The following SIM2 variants were observed in gnomAD, a reference collection of about 807,000 sequenced individuals.
The protein encoded by SIM2 is SIM bHLH transcription factor 2.
Under a neutral mutation model 64.8 loss-of-function variants are expected in SIM2, and 28 were observed. The ratio of observed to expected loss-of-function variants is 0.43; its 90% CI spans 0.32 to 0.59. SIM2 has a LOEUF of 0.59. SIM2 is among the 20% of genes least tolerant of loss of function. SIM2 has a pLI of 0.07. For missense variants in SIM2, 847 were observed against 871.4 expected (o/e 0.97, Z 0.35); for synonymous variants, 408 against 391.1 (o/e 1.04, Z -0.51).
At chr21:36,739,799 G>T (rs2089130144) in intron 7 of SIM2, among the ~76,000 whole-genome samples, 1 of 152,120 alleles carries the variant, frequency 6.6e-6, no homozygotes, top group African/African-American at 2.4e-5. Flanking sequence ...GCAAACTATG[G>T]GAGGGCAAGG....
chr21:36,704,676 C>T (rs1388822038), intron 1 of SIM2, among the ~76,000 whole-genome samples: 1 of 152,160 alleles, frequency 6.6e-6, no homozygotes, highest in Non-Finnish European at 1.5e-5. Flanking sequence ...GCTGGGGCGG[C>T]GTCCGAACTC....
Position 36,699,633 on chromosome 21 carries a change from C to G in SIM2, c.-114C>G. ...CCCCGCACCTGCCCGCGGCCCACTCCGCGGACTCACCTGGCTCCCGGCTCC... is the reference window on the plus strand; with the variant it reads ...CCCCGCACCTGCCCGCGGCCCACTCGGCGGACTCACCTGGCTCCCGGCTCC... On this transcript the variant is annotated 5_prime_UTR_variant, in exon 1 of 11. Coordinates refer to ENST00000290399, the MANE Select transcript of SIM2 (RefSeq NM_005069.6). This position sits in a 1 kb window ranked among gnomAD's most constrained non-coding sequence, Gnocchi z 5.6. 2.4e-6 allele frequency: 3 copies of G among 1,245,638 alleles called. No homozygotes were observed. The highest frequency in any genetic ancestry group is 3.2e-6 in the Non-Finnish European group (3 of 926,818). The allele number at this position is 1,245,638 out of a possible 1,614,324, so 77.2% of individuals were successfully genotyped here. A position where few individuals can be genotyped will look rare whatever the true frequency, so the allele number is the denominator to read the frequency against.
At chr21:36,722,791 A>C (rs1187571538) in intron 4 of SIM2, among the ~76,000 whole-genome samples, 1 of 152,182 alleles carries the variant, frequency 6.6e-6, no homozygotes, top group Non-Finnish European at 1.5e-5. Flanking sequence ...TGCAGGGCCC[A>C]TCAGGGGCCT....
chr21:36,747,772 C>T lies in SIM2; in HGVS notation c.1684C>T (p.Arg562Cys), dbSNP rs1426145386. 2.0e-5 allele frequency: 23 copies of T among 1,128,074 alleles called. No individual in the cohort carries two copies. The highest frequency in any genetic ancestry group is 2.5e-5 in the Non-Finnish European group (23 of 924,102). 69.9% of individuals were successfully genotyped at this position (1,128,074 alleles called of 1,614,324 possible). ...EPALGPAKAA[R>C]QAARDGARLA... ...CGCGCTGGGCCCGGCCAAAGCCGCC[C>T]GCCAGGCCGCCCGGGACGGGGCGCG... is the stretch of plus-strand genomic sequence containing the variant. The change falls in exon 11 of 11, where the codon CGC (arginine) becomes TGC (cysteine). Residue 562 changes from arginine (R) to cysteine (C), a missense_variant. Around this residue, in one of 3 missense-constraint regions of SIM2, gnomAD observed 447 missense variants for 414.6 expected, o/e 1.08. Transcript: ENST00000290399. The surrounding 1 kb of genome is among the most constrained non-coding windows in gnomAD (Gnocchi z 4.5).
At chr21:36,744,202 A>C (rs1293617173) in intron 9 of SIM2, among the ~76,000 whole-genome samples, 1 of 152,076 alleles carries the variant, frequency 6.6e-6, no homozygotes, top group African/African-American at 2.4e-5. Flanking sequence ...ACTGCACTCC[A>C]GCCTGGGTGA....
intron 4 of SIM2, 54 bp downstream of exon 4, chr21:36,719,983 T>A: frequency 8.0e-7 from 1 of 1,245,266 alleles, no homozygotes; most frequent in Non-Finnish European, 1.2e-6. Flanking sequence ...GCGACATTCT[T>A]AAATGGAACT....
chr21:36,709,055 G>A (rs2088632479), intron 1 of SIM2, 113 bp from the exon 2 acceptor site: 2 of 865,080 alleles, frequency 2.3e-6, no homozygotes, highest in South Asian at 1.8e-5. Flanking sequence ...GGGGAGACGC[G>A]CGGGACTCGT....
At chr21:36,707,598 T>G (rs963627625) in intron 1 of SIM2, among the ~76,000 whole-genome samples, 5 of 144,518 alleles carry the variant, frequency 3.5e-5, no homozygotes, top group African/African-American at 5.1e-5. Flanking sequence ...TTTTTTTAAC[T>G]TTTTTTTTTT....
rs765288514 is a variant in SIM2, at chr21:36,749,756, G to T, written c.*1664G>T. Reference sequence around the variant, plus strand: ...AAAGGTGTAGGTTTGATTACTAGGAGATACCACCGACATTTTTCAATAAAG... The same window carrying T: ...AAAGGTGTAGGTTTGATTACTAGGATATACCACCGACATTTTTCAATAAAG... On this transcript the variant is annotated 3_prime_UTR_variant, in exon 11 of 11. Coordinates refer to ENST00000290399, the MANE Select transcript of SIM2 (RefSeq NM_005069.6). 6.6e-6 allele frequency: 1 copy of T among 152,122 alleles called. No homozygotes were observed. The highest frequency in any genetic ancestry group is 2.4e-5 in the African/African-American group (1 of 41,436). The allele number at this position is 152,122 out of a possible 1,614,324, so 9.4% of individuals were successfully genotyped here. A position where few individuals can be genotyped will look rare whatever the true frequency, so the allele number is the denominator to read the frequency against.
intron 6 of SIM2, among the ~76,000 whole-genome samples, chr21:36,728,412 G>A (rs1213837292): frequency 6.6e-6 from 1 of 152,258 alleles, no homozygotes; most frequent in African/African-American, 2.4e-5. Context: ...AGAGGAGGTT[G>A]TGCCTAAAGG....
At chr21:36,746,163 A>G (rs2089225013) in intron 10 of SIM2, 2 of 255,140 alleles carry the variant, frequency 7.8e-6, no homozygotes, top group Admixed American at 8.8e-5. Flanking sequence ...AAAAATACAA[A>G]AATTAGTTGG....
intron 5 of SIM2, 93 bp downstream of exon 5, chr21:36,723,223 A>C: frequency 1.0e-6 from 1 of 993,862 alleles, no homozygotes; most frequent in South Asian, 1.3e-5. Context: ...ACGGGAGCAC[A>C]AACTCGTCAT....
chr21:36,722,435 AC>A (rs1317323073), intron 4 of SIM2, among the ~76,000 whole-genome samples: 1 of 152,120 alleles, frequency 6.6e-6, no homozygotes, highest in Non-Finnish European at 1.5e-5. Flanking sequence ...GAGTGGAGTG[AC>A]CTCGCCCTCC....
At chr21:36,735,813 T>C (rs908699349) in intron 7 of SIM2, among the ~76,000 whole-genome samples, 6 of 152,148 alleles carry the variant, frequency 3.9e-5, no homozygotes, top group Admixed American at 6.5e-5. Context: ...AGAGGCCGAC[T>C]TGGGGAGGAC....
At chr21:36,734,751 T>A (rs1274757724) in intron 7 of SIM2, among the ~76,000 whole-genome samples, 2 of 152,174 alleles carry the variant, frequency 1.3e-5, no homozygotes, top group African/African-American at 4.8e-5. Flanking sequence ...GGGAAGACAG[T>A]CAACTCCCAA....
chr21:36,746,037 C>T (rs968333883), intron 10 of SIM2: 116 of 1,129,056 alleles, frequency 1.0e-4, no homozygotes, highest in Non-Finnish European at 1.2e-4. Context: ...TGCCCCAGGC[C>T]GGGCTCAGTG....
In SIM2 at chr21:36,749,299, A is replaced by C. The variant is rs1042246823; in HGVS notation, c.*1207A>C. On this transcript the variant is annotated 3_prime_UTR_variant, in exon 11 of 11. Coordinates refer to ENST00000290399, the MANE Select transcript of SIM2 (RefSeq NM_005069.6). The stretch of plus-strand genomic sequence containing the variant: ...CTTCAATTTTCTTCACACTATCAAC[A>C]CTGCAGCATTTTGCTGCTTTATCAA... 1 of 152,574 alleles carries C rather than the reference A, an allele frequency of 6.6e-6. No individual in the cohort carries two copies. Among genetic ancestry groups the C allele is most frequent in the African/African-American group, 2.4e-5 (1 of 41,436 alleles). 9.5% of individuals were successfully genotyped at this position (152,574 alleles called of 1,614,324 possible).
chr21:36,706,093 C>T (rs2088576564), intron 1 of SIM2, among the ~76,000 whole-genome samples: 1 of 152,242 alleles, frequency 6.6e-6, no homozygotes, highest in Non-Finnish European at 1.5e-5. Context: ...TGTCTATGGT[C>T]TGTGACCTGC....
chr21:36,730,568 G>C (rs963894447), intron 6 of SIM2, among the ~76,000 whole-genome samples: 21 of 152,236 alleles, frequency 1.4e-4, no homozygotes, highest in African/African-American at 4.8e-4. Context: ...ACACAACACT[G>C]TGAGTGCACC....
Sources: allele counts gnomAD v4.1 joint callset (sites outside exome capture counted in the v4.1 genomes callset), GRCh38; gene constraint gnomAD v4.1.1; regional missense constraint gnomAD v4.1.1; non-coding constraint Gnocchi (gnomAD v3.1); transcripts MANE v1.5; gene names NCBI Gene and HGNC (gene_info 2026-07-23, HGNC 2026-07-21).